Variants in ADGRL2 observed in about 807,000 individuals in gnomAD.
ADGRL2 encodes calcium-independent alpha-latrotoxin receptor 2.
ADGRL2 carries 44 observed loss-of-function variants against 157.4 expected under a neutral mutation model. That is an observed-to-expected ratio of 0.28 (90% CI 0.22 to 0.36). The LOEUF is 0.36. Ranked by LOEUF, ADGRL2 falls within the 10% of genes least tolerant of loss-of-function variation. ADGRL2 has a pLI of 1.00. For missense variants in ADGRL2, 1,510 were observed against 1,768.9 expected, an observed-to-expected ratio of 0.85 and a Z score of 2.63; for synonymous variants, 585 against 624.7, an observed-to-expected ratio of 0.94 and a Z score of 0.95.
intron 3 of ADGRL2, among the ~76,000 whole-genome samples, chr1:81,624,013 G>A (rs1441525179): frequency 1.3e-5 from 2 of 152,100 alleles, no homozygotes. Flanking sequence ...GAGGCCACGT[G>A]AGGATGGAGG....
At chr1:81,323,803 T>G (rs1660697434) in intron 1 of ADGRL2, among the ~76,000 whole-genome samples, 1 of 152,086 alleles carries the variant, frequency 6.6e-6, no homozygotes, top group African/African-American at 2.4e-5. Flanking sequence ...TTCCAAGCAA[T>G]GAGAATAGCA....
At chr1:81,644,260 A>G (rs2082273997) in intron 3 of ADGRL2, among the ~76,000 whole-genome samples, 1 of 152,216 alleles carries the variant, frequency 6.6e-6, no homozygotes, top group African/African-American at 2.4e-5. Context: ...ACAAAAGTAT[A>G]AAACTCCTAG....
intron 2 of ADGRL2, among the ~76,000 whole-genome samples, chr1:81,480,291 T>C (rs1444076226): frequency 1.3e-5 from 2 of 151,014 alleles, no homozygotes; most frequent in Non-Finnish European, 3.0e-5. Flanking sequence ...ATATGACTAT[T>C]ACTACAGCTA....
Position 81,859,921 on chromosome 1 carries a change from T to G in ADGRL2, c.73+22864T>G, listed in dbSNP as rs115668219. ...CATTTTCTTGGAATGTTTCACTGTT[T>G]TTTTTTTCCCCCATAAAAAACGGGC... On this transcript the variant is annotated intron_variant, in intron 2 of 23. Transcript: ENST00000686636. Among the ~76,000 whole-genome samples, 722 of 152,076 alleles carry G rather than the reference T, an allele frequency of 4.7e-3. 5 individuals are homozygous for G. The highest frequency in any genetic ancestry group is 6.3e-3 in the Non-Finnish European group (428 of 67,960).
At chr1:81,719,768 T>A (rs2084237155) in intron 1 of ADGRL2, among the ~76,000 whole-genome samples, 1 of 152,174 alleles carries the variant, frequency 6.6e-6, no homozygotes, top group Non-Finnish European at 1.5e-5. Flanking sequence ...AGCCCAATGC[T>A]AGTGGAATTT....
intron 2 of ADGRL2, among the ~76,000 whole-genome samples, chr1:81,461,934 G>GC (rs1553166998): frequency 1.4e-5 from 2 of 143,926 alleles, no homozygotes; most frequent in South Asian, 2.3e-4. Context: ...GAAGAAAGGG[G>GC]GGGGGGGGTG....
intron 3 of ADGRL2, among the ~76,000 whole-genome samples, chr1:81,649,209 C>T (rs934055519): frequency 2.0e-5 from 3 of 152,150 alleles, no homozygotes; most frequent in Non-Finnish European, 4.4e-5. Context: ...CAAAGGTATT[C>T]CGCCTTTCAC....
At chr1:81,691,642 G>A (rs568175234) in intron 3 of ADGRL2, among the ~76,000 whole-genome samples, 1 of 151,828 alleles carries the variant, frequency 6.6e-6, no homozygotes, top group African/African-American at 2.4e-5. Context: ...GGGATTACAG[G>A]CGTGTGCCAC....
intron 1 of ADGRL2, among the ~76,000 whole-genome samples, chr1:81,434,263 C>T (rs1209429739): frequency 6.6e-6 from 1 of 152,158 alleles, no homozygotes; most frequent in African/African-American, 2.4e-5. Context: ...GCAAATTAAT[C>T]TTTGTAATGT....
At chr1:81,989,130 A>G (rs1407337499) in intron 23 of ADGRL2, among the ~76,000 whole-genome samples, 1 of 152,132 alleles carries the variant, frequency 6.6e-6, no homozygotes, top group Non-Finnish European at 1.5e-5. Flanking sequence ...TGTAGAAAAT[A>G]CAACTCTGAT....
intron 3 of ADGRL2, among the ~76,000 whole-genome samples, chr1:81,639,539 A>C (rs2082177343): frequency 1.6e-5 from 1 of 63,834 alleles, no homozygotes; most frequent in Admixed American, 1.8e-4. Flanking sequence ...CTCCATCTCT[A>C]CAAAAAAAAA....
At chr1:81,602,156 A>T (rs1301169301) in intron 3 of ADGRL2, among the ~76,000 whole-genome samples, 1 of 152,234 alleles carries the variant, frequency 6.6e-6, no homozygotes, top group African/African-American at 2.4e-5. Flanking sequence ...TTAATTGGAG[A>T]TATTAAAATG....
At chr1:81,422,587 A>C (rs2077145451) in intron 1 of ADGRL2, among the ~76,000 whole-genome samples, 1 of 152,238 alleles carries the variant, frequency 6.6e-6, no homozygotes, top group Admixed American at 6.5e-5. Context: ...GCCTATATAC[A>C]GTATAACATT....
intron 1 of ADGRL2, among the ~76,000 whole-genome samples, chr1:81,411,382 A>G (rs1443347512): frequency 6.6e-6 from 1 of 152,206 alleles, no homozygotes; most frequent in Non-Finnish European, 1.5e-5. Flanking sequence ...GGGTGATGCC[A>G]GTCACATTCA....
chr1:81,810,809 C>T (rs1431697918), intron 1 of ADGRL2, among the ~76,000 whole-genome samples: 3 of 151,796 alleles, frequency 2.0e-5, no homozygotes. Flanking sequence ...AAACACGTCA[C>T]TTTGCCTCAT....
chr1:81,561,672 C>T (rs1386923094), intron 2 of ADGRL2, among the ~76,000 whole-genome samples: 1 of 151,952 alleles, frequency 6.6e-6, no homozygotes, highest in Non-Finnish European at 1.5e-5. Flanking sequence ...GTTGGCCAGG[C>T]TGGTCTTGAA....
chr1:81,463,313 A>G (rs1332152860), intron 2 of ADGRL2, among the ~76,000 whole-genome samples: 1 of 151,906 alleles, frequency 6.6e-6, no homozygotes, highest in African/African-American at 2.4e-5. Flanking sequence ...TCAGTGAAAT[A>G]GACATAAATT....
chr1:81,557,332 C>A, intron 2 of ADGRL2: 1 of 191,518 alleles, frequency 5.2e-6, no homozygotes, highest in South Asian at 1.3e-4. Flanking sequence ...ATAACCTGCT[C>A]TGGTTTCTGG....
chr1:81,509,938 G>A (rs1056709934), intron 2 of ADGRL2, among the ~76,000 whole-genome samples: 5 of 152,142 alleles, frequency 3.3e-5, no homozygotes, highest in East Asian at 1.9e-4. Flanking sequence ...CCAGGGTGAC[G>A]GACGAAGGAA....
Sources: gnomAD v4.1 joint callset for allele counts (sites outside exome capture counted in the v4.1 genomes callset) on GRCh38, gnomAD v4.1.1 for gene constraint, MANE v1.5 for transcripts, NCBI Gene and HGNC (gene_info 2026-07-23, HGNC 2026-07-21) for gene names.